The following IL1RAPL2 variants were observed in gnomAD, a reference collection of about 807,000 sequenced individuals.
IL1RAPL2 encodes the protein interleukin 1 receptor accessory protein like 2, also known as X-linked interleukin-1 receptor accessory protein-like 2.
IL1RAPL2 carries 3 observed loss-of-function variants against 44.1 expected under a neutral mutation model. The observed-to-expected ratio is 0.07, with a 90% CI of 0.03 to 0.18. The LOEUF is 0.18. IL1RAPL2 is among the 10% of genes least tolerant of loss of function. The probability of loss-of-function intolerance (pLI) is 1.00; values close to 1 mark genes in which losing one functional copy is unlikely to be tolerated. For synonymous variants in IL1RAPL2, 181 were observed against 178.8 expected (o/e 1.01, Z -0.10); for missense variants, 391 against 496.4 (o/e 0.79, Z 2.02).
At chrX:104,997,260 T>C (rs2030765215) in intron 2 of IL1RAPL2, among the ~76,000 whole-genome samples, 1 of 111,968 alleles carries the variant, frequency 8.9e-6, no homozygotes, top group African/African-American at 3.2e-5. Flanking sequence ...CAAATAATTA[T>C]TTTATGGACT....
chrX:104,810,430 G>T (rs1170737271), intron 2 of IL1RAPL2, among the ~76,000 whole-genome samples: 3 of 111,029 alleles, frequency 2.7e-5, no homozygotes, highest in African/African-American at 9.8e-5. Context: ...TAAAAGAAAA[G>T]AAAAGAAATG....
chrX:105,078,064 C>T (rs958851696), intron 2 of IL1RAPL2, among the ~76,000 whole-genome samples: 26 of 111,962 alleles, frequency 2.3e-4, no homozygotes, highest in South Asian at 7.4e-4. Flanking sequence ...AGCTTTGTTC[C>T]GTTGCTGGTG....
chrX:105,171,303 TA>T (rs2033421072), intron 2 of IL1RAPL2, among the ~76,000 whole-genome samples: 1 of 110,739 alleles, frequency 9.0e-6, no homozygotes, highest in Admixed American at 9.6e-5. Flanking sequence ...GGGCCCATGG[TA>T]GGAGAAGTTT....
chrX:105,764,659 A>G (rs1181744072), intron 10 of IL1RAPL2, among the ~76,000 whole-genome samples: 2 of 111,261 alleles, frequency 1.8e-5, no homozygotes, highest in East Asian at 5.7e-4. Context: ...ATAAAAAATT[A>G]GCCGAGCATG....
chrX:104,876,876 C>T (rs1922917270), intron 2 of IL1RAPL2, among the ~76,000 whole-genome samples: 1 of 109,158 alleles, frequency 9.2e-6, no homozygotes, highest in South Asian at 4.0e-4. Flanking sequence ...CTATCCCTCC[C>T]CGCTCCGCCC....
In IL1RAPL2 at chrX:105,661,951, A is replaced by G. The variant is rs184792124; in HGVS notation, c.773-55416A>G. 5.8e-3 allele frequency among the ~76,000 whole-genome samples: 650 copies of G among 112,680 alleles called. 1 individual carries two copies. The highest frequency in any genetic ancestry group is 8.6e-3 in the Admixed American group (92 of 10,656). On this transcript the variant is annotated intron_variant, in intron 6 of 10. Transcript: ENST00000372582. ...TCTTTACTGCAAAGTAGATTTGGCA[A>G]TCCTGAGCTAGATCCATTCCATTAC...
At chrX:105,459,650 T>A (rs1317735874) in intron 5 of IL1RAPL2, among the ~76,000 whole-genome samples, 1 of 111,657 alleles carries the variant, frequency 9.0e-6, no homozygotes, top group Non-Finnish European at 1.9e-5. Context: ...GAAGATCTAT[T>A]TAAATATATT....
At chrX:105,512,231 G>T (rs1249877785) in intron 6 of IL1RAPL2, among the ~76,000 whole-genome samples, 1 of 111,152 alleles carries the variant, frequency 9.0e-6, no homozygotes, top group African/African-American at 3.3e-5. Context: ...CTCTCCTCCG[G>T]GGTTTCTTAT....
intron 2 of IL1RAPL2, among the ~76,000 whole-genome samples, chrX:104,797,464 A>G (rs1282924262): frequency 9.0e-6 from 1 of 111,413 alleles, no homozygotes; most frequent in African/African-American, 3.3e-5. Flanking sequence ...GGTCAAATAA[A>G]TTGGGAAATG....
intron 2 of IL1RAPL2, among the ~76,000 whole-genome samples, chrX:105,094,209 T>C (rs980534001): frequency 2.7e-5 from 3 of 111,894 alleles, no homozygotes; most frequent in African/African-American, 9.7e-5. Context: ...TCTCTGTGAC[T>C]CAGTTTCCTT....
intron 6 of IL1RAPL2, among the ~76,000 whole-genome samples, chrX:105,651,935 C>A (rs935689947): frequency 2.7e-5 from 3 of 111,833 alleles, no homozygotes; most frequent in Non-Finnish European, 5.7e-5. Flanking sequence ...TGATCCCATA[C>A]AATGATATTC....
intron 5 of IL1RAPL2, among the ~76,000 whole-genome samples, chrX:105,274,360 T>C (rs1433046575): frequency 2.7e-5 from 3 of 112,407 alleles, no homozygotes; most frequent in Admixed American, 1.9e-4. Flanking sequence ...AAATTGTTAC[T>C]GAATTTTGTG....
At chrX:104,819,198 T>C (rs767944330) in intron 2 of IL1RAPL2, among the ~76,000 whole-genome samples, 1 of 112,341 alleles carries the variant, frequency 8.9e-6, no homozygotes, top group South Asian at 3.7e-4. Flanking sequence ...CAATCGTAAA[T>C]TGAAAATATA....
intron 2 of IL1RAPL2, among the ~76,000 whole-genome samples, chrX:105,061,145 A>C (rs1185322276): frequency 9.0e-6 from 1 of 110,703 alleles, no homozygotes. Context: ...GTTTATTTGA[A>C]GTTTTTCAAC....
intron 3 of IL1RAPL2, among the ~76,000 whole-genome samples, chrX:105,211,030 A>C (rs1603010108): frequency 3.0e-5 from 3 of 99,854 alleles, no homozygotes; most frequent in Admixed American, 1.1e-4. Context: ...CCCCCACCTC[A>C]CCCCTCCCTC....
At chrX:105,467,565 G>T (rs1330928868) in intron 5 of IL1RAPL2, among the ~76,000 whole-genome samples, 4 of 111,569 alleles carry the variant, frequency 3.6e-5, no homozygotes, top group Non-Finnish European at 7.5e-5. Context: ...CAAGCAAAAA[G>T]AAACAGAAAT....
intron 2 of IL1RAPL2, among the ~76,000 whole-genome samples, chrX:104,691,037 T>C (rs6652903): frequency 0.38 from 42,204 of 110,660 alleles, 6,105 homozygotes; most frequent in East Asian, 0.47. Flanking sequence ...GAGCAAAGTG[T>C]AAGAATGATT....
At chrX:104,586,451 G>C (rs1182955784) in intron 1 of IL1RAPL2, among the ~76,000 whole-genome samples, 3 of 111,423 alleles carry the variant, frequency 2.7e-5, no homozygotes, top group African/African-American at 6.5e-5. Context: ...AGTTTAATTA[G>C]ATCCTATGTT....
intron 1 of IL1RAPL2, among the ~76,000 whole-genome samples, chrX:104,632,764 G>A (rs1172501485): frequency 4.6e-5 from 5 of 108,136 alleles, no homozygotes; most frequent in Non-Finnish European, 7.7e-5. Flanking sequence ...GGGTTTTCTA[G>A]ATATACAATC....
Sources: gnomAD v4.1 joint callset for allele counts (sites outside exome capture counted in the v4.1 genomes callset) on GRCh38, gnomAD v4.1.1 for gene constraint, MANE v1.5 for transcripts, NCBI Gene and HGNC (gene_info 2026-07-23, HGNC 2026-07-21) for gene names.